Variants in GABRB1 observed in about 807,000 individuals in gnomAD.
GABRB1 encodes gamma-aminobutyric acid type A receptor subunit beta1.
Under a neutral mutation model 51.6 loss-of-function variants are expected in GABRB1, and 17 were observed. That is an observed-to-expected ratio of 0.33 (90% CI 0.23 to 0.49). The LOEUF (loss-of-function observed/expected upper bound fraction) is 0.49. Ranked by LOEUF, GABRB1 falls within the 20% of genes least tolerant of loss-of-function variation. The pLI is 0.99. For synonymous variants in GABRB1, 247 were observed against 218.9 expected (o/e 1.13, Z -1.14); for missense variants, 410 against 600.6 (o/e 0.68, Z 3.32).
chr4:47,350,642 A>G (rs1351057764), intron 5 of GABRB1, among the ~76,000 whole-genome samples: 1 of 152,160 alleles, frequency 6.6e-6, no homozygotes, highest in Non-Finnish European at 1.5e-5. Context: ...ACAAAAATTG[A>G]CACTTGAAAT....
intron 1 of GABRB1, among the ~76,000 whole-genome samples, chr4:47,012,779 G>C (rs1243404021): frequency 6.6e-6 from 1 of 152,144 alleles, no homozygotes; most frequent in Non-Finnish European, 1.5e-5. Flanking sequence ...ACATGGGAGA[G>C]AAAGGAAAAG....
At chr4:47,370,149 G>A (rs528758346) in intron 5 of GABRB1, among the ~76,000 whole-genome samples, 3 of 152,104 alleles carry the variant, frequency 2.0e-5, no homozygotes, top group Admixed American at 1.3e-4. Context: ...TTACAAAAAC[G>A]GCTGTTTATA....
intron 3 of GABRB1, among the ~76,000 whole-genome samples, chr4:47,131,769 T>G (rs145211368): frequency 6.6e-6 from 1 of 152,314 alleles, no homozygotes; most frequent in East Asian, 1.9e-4. Context: ...CATGAATTTG[T>G]GCAAATTACT....
intron 3 of GABRB1, among the ~76,000 whole-genome samples, chr4:47,085,941 C>T (rs189154632): frequency 7.2e-5 from 11 of 152,328 alleles, no homozygotes; most frequent in Non-Finnish European, 1.6e-4. Context: ...GTCAGAAGAC[C>T]ATCCCAGACT....
In GABRB1 at chr4:47,311,060, CAAAAAAAA is replaced by C. The variant is rs34566582; in HGVS notation, c.462-9051_462-9044del. ...TGGGTAACAGAGAGCAACTCTGTCT[CAAAAAAAA>C]AAAAAAAAAAAAAAACATGAAAAGA... On this transcript the variant is annotated intron_variant, in intron 4 of 8. Coordinates refer to ENST00000295454, the MANE Select transcript of GABRB1 (RefSeq NM_000812.4). Among the ~76,000 whole-genome samples, 511 of 52,190 alleles carry C rather than the reference CAAAAAAAA, an allele frequency of 9.8e-3. 3 individuals carry two copies. Among genetic ancestry groups the C allele is most frequent in the Non-Finnish European group, 0.013 (401 of 30,806 alleles). The allele number at this position is 52,190 out of a possible 152,430, so 34.2% of individuals were successfully genotyped here.
intron 3 of GABRB1, among the ~76,000 whole-genome samples, chr4:47,044,767 C>T (rs797011846): frequency 3.3e-5 from 5 of 151,976 alleles, no homozygotes; most frequent in African/African-American, 9.6e-5. Flanking sequence ...TTTTTGCTTG[C>T]TATTGGGGTT....
chr4:47,077,926 ATATAT>A (rs1366199547), intron 3 of GABRB1, among the ~76,000 whole-genome samples: 1 of 126,992 alleles, frequency 7.9e-6, no homozygotes, highest in African/African-American at 3.0e-5. Context: ...TATATTTTAT[ATATAT>A]TATATATTTT....
At chr4:47,181,866 G>T (rs1718963371) in intron 4 of GABRB1, among the ~76,000 whole-genome samples, 1 of 152,020 alleles carries the variant, frequency 6.6e-6, no homozygotes, top group South Asian at 2.1e-4. Context: ...ACCTCATAAT[G>T]CAGCAGGTGT....
intron 4 of GABRB1, among the ~76,000 whole-genome samples, chr4:47,273,772 C>T (rs1423447139): frequency 6.6e-6 from 1 of 151,866 alleles, no homozygotes; most frequent in Admixed American, 6.6e-5. Context: ...CCCACCCAGA[C>T]TCAGGATATC....
rs1211827821 is a variant in GABRB1, at chr4:47,350,206, TATATATATATATAG to T, written c.544+29999_544+30012del. 5.2e-4 allele frequency among the ~76,000 whole-genome samples: 49 copies of T among 93,610 alleles called. No individual in the cohort carries two copies. In the East Asian group the frequency reaches 6.2e-3, roughly 12 times the overall value. 61.4% of individuals were successfully genotyped at this position (93,610 alleles called of 152,430 possible). ...GATTATATATATATATATATATATATATATATATATATAGAGAGAGAGAGAGAGAGAGAGAGAGG... is the reference window on the plus strand; with the variant it reads ...GATTATATATATATATATATATATATAGAGAGAGAGAGAGAGAGAGAGAGG... On this transcript the variant is annotated intron_variant, in intron 5 of 8. Transcript: ENST00000295454.
At chr4:47,295,905 A>G (rs1723972045) in intron 4 of GABRB1, among the ~76,000 whole-genome samples, 1 of 152,202 alleles carries the variant, frequency 6.6e-6, no homozygotes, top group South Asian at 2.1e-4. Flanking sequence ...CTAACAGCGG[A>G]TCTCTTGGCA....
At chr4:47,392,187 G>C (rs971889994) in intron 5 of GABRB1, among the ~76,000 whole-genome samples, 2 of 152,008 alleles carry the variant, frequency 1.3e-5, no homozygotes, top group Non-Finnish European at 2.9e-5. Context: ...GTTTGAATCT[G>C]ATGTGATCCT....
chr4:47,153,422 T>C (rs1204524954), intron 3 of GABRB1, among the ~76,000 whole-genome samples: 2 of 152,106 alleles, frequency 1.3e-5, no homozygotes, highest in African/African-American at 4.8e-5. Context: ...TGTCACTGTG[T>C]GAAATGTAAA....
chr4:47,287,173 G>T (rs757108435), intron 4 of GABRB1, among the ~76,000 whole-genome samples: 3 of 152,194 alleles, frequency 2.0e-5, no homozygotes, highest in Non-Finnish European at 4.4e-5. Context: ...GCATACCCCA[G>T]AATTCAGGTG....
intron 3 of GABRB1, among the ~76,000 whole-genome samples, chr4:47,033,514 G>A (rs1263806192): frequency 6.6e-6 from 1 of 152,142 alleles, no homozygotes; most frequent in Non-Finnish European, 1.5e-5. Context: ...GTGAAAAAAT[G>A]TTATGGCGGC....
intron 4 of GABRB1, among the ~76,000 whole-genome samples, chr4:47,274,045 C>T (rs895668754): frequency 6.6e-6 from 1 of 151,990 alleles, no homozygotes; most frequent in Non-Finnish European, 1.5e-5. Flanking sequence ...ATTTTTCTTC[C>T]AGGCAAAATG....
intron 3 of GABRB1, among the ~76,000 whole-genome samples, chr4:47,093,786 T>G (rs1714254583): frequency 1.3e-5 from 2 of 152,230 alleles, no homozygotes; most frequent in Non-Finnish European, 2.9e-5. Context: ...CACAAATTAT[T>G]ATGGCAAAAT....
intron 1 of GABRB1, among the ~76,000 whole-genome samples, chr4:47,005,709 C>T (rs112020025): frequency 0.012 from 1,206 of 97,220 alleles, 19 homozygotes; most frequent in African/African-American, 0.039. Flanking sequence ...TTTACGTCTC[C>T]CTCTGCAACT....
chr4:47,379,342 T>G (rs1411557767), intron 5 of GABRB1, among the ~76,000 whole-genome samples: 1 of 152,212 alleles, frequency 6.6e-6, no homozygotes, highest in Admixed American at 6.5e-5. Flanking sequence ...ATACTTTGAG[T>G]ACCAATACAG....
Sources: gnomAD v4.1 joint callset for allele counts (sites outside exome capture counted in the v4.1 genomes callset) on GRCh38, gnomAD v4.1.1 for gene constraint, MANE v1.5 for transcripts, NCBI Gene and HGNC (gene_info 2026-07-23, HGNC 2026-07-21) for gene names.